The following INTS3 variants were observed in gnomAD, a reference collection of about 807,000 sequenced individuals.
The protein encoded by INTS3 is SOSS complex subunit A.
Under a neutral mutation model 146.3 loss-of-function variants are expected in INTS3, and 34 were observed. The observed-to-expected ratio is 0.23, with a 90% CI of 0.18 to 0.31. INTS3 has a LOEUF of 0.31. Ranked by LOEUF, INTS3 falls within the 10% of genes least tolerant of loss-of-function variation. INTS3 has a pLI of 1.00. For missense variants in INTS3, 757 were observed against 1,304.2 expected, an observed-to-expected ratio of 0.58 and a Z score of 6.46; for synonymous variants, 475 against 494.9, an observed-to-expected ratio of 0.96 and a Z score of 0.53.
chr1:153,764,373 T>G lies in INTS3; in HGVS notation c.1925+152T>G, dbSNP rs1291451550. ...GTACCAACTCATTTAAACAAGAGCT[T>G]ATTTCTACCTGCTGAACACCGTGCG... On this transcript the variant is annotated intron_variant, in intron 18 of 29. Coordinates refer to ENST00000318967, the MANE Select transcript of INTS3 (RefSeq NM_023015.5). 53 of 644,698 alleles carry G rather than the reference T, an allele frequency of 8.2e-5. 1 individual carries two copies. 39.9% of individuals were successfully genotyped at this position (644,698 alleles called of 1,614,324 possible). A position where few individuals can be genotyped will look rare whatever the true frequency, so the allele number is the denominator to read the frequency against.
rs776129018 is a variant in INTS3 at position 153,772,480 on chromosome 1, GC to G, written c.2821+43del. The G allele has an allele frequency of 6.2e-7, 1 of 1,613,910 alleles. No homozygotes were observed. The highest frequency in any genetic ancestry group is 2.2e-5 in the East Asian group (1 of 44,890). The stretch of plus-strand genomic sequence containing the variant: ...CTCGGCGTCCAGTGTAGACGGTGCT[GC>G]CCTGGCCCAGACTATGCCTGGAGCC... On this transcript the variant is annotated intron_variant, in intron 27 of 29. Transcript: ENST00000318967. This position sits in a 1 kb window ranked among gnomAD's most constrained non-coding sequence, Gnocchi z 4.6.
chr1:153,767,655 G>A lies in INTS3; in HGVS notation c.2091-19G>A. ...GCACTGGGGTCAGGCTGCTGGCTCAGGCCCAGCTGGTCTTGCAGCAAAGCC... is the reference window on the plus strand; with the variant it reads ...GCACTGGGGTCAGGCTGCTGGCTCAAGCCCAGCTGGTCTTGCAGCAAAGCC... On this transcript the variant is annotated intron_variant, in intron 20 of 29. Coordinates refer to ENST00000318967, the MANE Select transcript of INTS3 (RefSeq NM_023015.5). 6.4e-7 allele frequency: 1 copy of A among 1,558,264 alleles called. No homozygotes were observed. Among genetic ancestry groups the A allele is most frequent in the East Asian group, 2.4e-5 (1 of 42,484 alleles).
At chr1:153,746,034 C>G (rs577714539) in intron 3 of INTS3, among the ~76,000 whole-genome samples, 75 of 152,284 alleles carry the variant, frequency 4.9e-4, no homozygotes, top group African/African-American at 1.8e-3. Flanking sequence ...GATCATGCCA[C>G]TGCACTCCAG....
chr1:153,744,079 G>C (rs946800693), intron 3 of INTS3, among the ~76,000 whole-genome samples: 1 of 134,692 alleles, frequency 7.4e-6, no homozygotes, highest in Non-Finnish European at 1.6e-5. Context: ...GTGTGTGTGT[G>C]TGTTTCATCT....
chr1:153,754,171 A>G lies in INTS3; in HGVS notation c.860-471A>G, dbSNP rs1393886973. ...CATGGTAACAAGGTTTGAGGGAGGC[A>G]CATCTCACGCATGAGTGTGAAAAAC... is the stretch of plus-strand genomic sequence containing the variant. On this transcript the variant is annotated intron_variant, in intron 8 of 29. Transcript: ENST00000318967. Among the ~76,000 whole-genome samples, 4 of 152,222 alleles carry G rather than the reference A, an allele frequency of 2.6e-5. No individual in the cohort carries two copies. The East Asian group carries it at 7.7e-4, about 29-fold the overall frequency.
chr1:153,761,797 A>C, intron 14 of INTS3, 121 bp downstream of exon 14: 1 of 594,054 alleles, frequency 1.7e-6, no homozygotes, highest in Non-Finnish European at 3.0e-6. Flanking sequence ...ACTGTCCATC[A>C]CAGTTTTTCC....
chr1:153,729,289 A>C lies in INTS3; in HGVS notation c.150+505A>C, dbSNP rs112000358. 3.2e-3 allele frequency among the ~76,000 whole-genome samples: 492 copies of C among 152,290 alleles called. 7 individuals carry two copies. The highest frequency in any genetic ancestry group is 0.011 in the African/African-American group (474 of 41,566). On this transcript the variant is annotated intron_variant, in intron 1 of 29. Coordinates refer to ENST00000318967, the MANE Select transcript of INTS3 (RefSeq NM_023015.5). ...AACTGGGCATCTAGAATGAGTGAAGACTTAAGAAAAGTGAGTAGTGTTTAG... is the reference window on the plus strand; with the variant it reads ...AACTGGGCATCTAGAATGAGTGAAGCCTTAAGAAAAGTGAGTAGTGTTTAG...
At chr1:153,740,528 A>C in intron 1 of INTS3, 123 bp from the exon 2 acceptor site, 1 of 722,954 alleles carries the variant, frequency 1.4e-6, no homozygotes, top group South Asian at 1.5e-5. Flanking sequence ...GTGACTTTAT[A>C]AGTAAACTGG....
intron 12 of INTS3, 115 bp from the exon 13 acceptor site, chr1:153,760,712 A>G: frequency 1.2e-6 from 1 of 832,172 alleles, no homozygotes; most frequent in Middle Eastern, 3.2e-4. Context: ...TTCTCTCTGC[A>G]GCCATACTCC....
chr1:153,745,966 G>C (rs148755422), intron 3 of INTS3, among the ~76,000 whole-genome samples: 1 of 152,128 alleles, frequency 6.6e-6, no homozygotes. Context: ...TTATCTGGGC[G>C]TGGTGGTGCA....
chr1:153,730,538 G>A (rs185329292), intron 1 of INTS3, among the ~76,000 whole-genome samples: 1 of 152,252 alleles, frequency 6.6e-6, no homozygotes, highest in Admixed American at 6.5e-5. Context: ...TCTTAGAGGC[G>A]TCATTGTGTC....
rs533059514 is a variant in INTS3 at position 153,735,917 on chromosome 1, T to TG, written c.151-4727dup. Among the ~76,000 whole-genome samples, 563 of 152,096 alleles carry TG rather than the reference T, an allele frequency of 3.7e-3. 7 individuals are homozygous for TG. Among genetic ancestry groups the TG allele is most frequent in the African/African-American group, 8.6e-3 (355 of 41,510 alleles). ...TATTTAGTTTTTGTAGAGATGGGGT[T>TG]GGGGGGGTCTCTTTCTGTTCCCCAG... is the stretch of plus-strand genomic sequence containing the variant. On this transcript the variant is annotated intron_variant, in intron 1 of 29. Coordinates refer to ENST00000318967, the MANE Select transcript of INTS3 (RefSeq NM_023015.5).
intron 2 of INTS3, 102 bp downstream of exon 2, chr1:153,740,836 A>C (rs1194966068): frequency 5.4e-6 from 5 of 917,800 alleles, no homozygotes; most frequent in Non-Finnish European, 9.0e-6. Flanking sequence ...AGGGGACTGA[A>C]ATTCATCAAG....
chr1:153,754,953 G>C (rs1388313903), intron 9 of INTS3, among the ~76,000 whole-genome samples: 1 of 152,216 alleles, frequency 6.6e-6, no homozygotes, highest in Admixed American at 6.5e-5. Context: ...TGTCGAATAA[G>C]AGAGATACAG....
At chr1:153,728,849 C>T (rs982983549) in intron 1 of INTS3, 65 bp downstream of exon 1, 2 of 101,662 alleles carry the variant, frequency 2.0e-5, no homozygotes, top group Admixed American at 1.9e-4. Flanking sequence ...GAGCGGATAC[C>T]GGGTGGGAGG....
intron 16 of INTS3, 68 bp from the exon 17 acceptor site, chr1:153,763,764 C>A: frequency 1.5e-6 from 2 of 1,333,050 alleles, no homozygotes; most frequent in South Asian, 2.4e-5. Flanking sequence ...GTGCACTGTT[C>A]TGGGTGTGTG....
chr1:153,735,977 C>G (rs776364502), intron 1 of INTS3, among the ~76,000 whole-genome samples: 23 of 152,188 alleles, frequency 1.5e-4, no homozygotes, highest in Non-Finnish European at 2.2e-4. Context: ...GGTGATCTAC[C>G]TGCCTCGACC....
intron 19 of INTS3, 48 bp downstream of exon 19, chr1:153,764,782 G>C: frequency 6.5e-7 from 1 of 1,539,528 alleles, no homozygotes; most frequent in Non-Finnish European, 9.0e-7. Flanking sequence ...CATCCTCCCT[G>C]ACAGCACACA....
At chr1:153,739,145 C>T (rs1362567271) in intron 1 of INTS3, among the ~76,000 whole-genome samples, 1 of 152,100 alleles carries the variant, frequency 6.6e-6, no homozygotes. Flanking sequence ...TTCACGGCAA[C>T]TGCCACCTGC....
Sources: allele counts gnomAD v4.1 joint callset (sites outside exome capture counted in the v4.1 genomes callset), GRCh38; gene constraint gnomAD v4.1.1; non-coding constraint Gnocchi (gnomAD v3.1); transcripts MANE v1.5; gene names NCBI Gene and HGNC (gene_info 2026-07-23, HGNC 2026-07-21).